The following PIK3CD variants were observed in gnomAD, a reference collection of about 807,000 sequenced individuals.
The protein encoded by PIK3CD is phosphatidylinositol 4,5-bisphosphate 3-kinase catalytic subunit delta isoform.
A neutral mutation model predicts 122.9 loss-of-function variants in PIK3CD; 20 were observed. The ratio of observed to expected loss-of-function variants is 0.16; its 90% confidence interval spans 0.11 to 0.24. The LOEUF is 0.24. Ranked by LOEUF, PIK3CD falls within the 10% of genes least tolerant of loss-of-function variation. The pLI, the probability that PIK3CD is intolerant of heterozygous loss-of-function variation, is 1.00. For synonymous variants in PIK3CD, 596 were observed against 593.4 expected, an observed-to-expected ratio of 1.00 and a Z score of -0.06; for missense variants, 787 against 1,406.3, an observed-to-expected ratio of 0.56 and a Z score of 7.04.
rs1163030937 is a variant in PIK3CD, at chr1:9,701,668, CAAA to C, written c.-32-8737_-32-8735del. 1.5e-3 allele frequency among the ~76,000 whole-genome samples: 121 copies of C among 78,954 alleles called. 2 individuals carry two copies. The highest frequency in any genetic ancestry group is 4.9e-3 in the African/African-American group (107 of 21,902). 51.8% of individuals were successfully genotyped at this position (78,954 alleles called of 152,430 possible). A position where few individuals can be genotyped will look rare whatever the true frequency, so the allele number is the denominator to read the frequency against. On this transcript the variant is annotated intron_variant, in intron 2 of 23. Coordinates refer to ENST00000377346, the MANE Select transcript of PIK3CD (RefSeq NM_005026.5). Reference sequence around the variant, plus strand: ...TGGGCGACAGAGCAAGACTCTGTCTCAAAAAAAAAAAAAAAAAAAAATCCAATA... The same window carrying C: ...TGGGCGACAGAGCAAGACTCTGTCTCAAAAAAAAAAAAAAAAAATCCAATA...
At position 9,727,056 on chromosome 1, in the gene PIK3CD, C is replaced by T; in HGVS notation, c.*10C>T. ...AGACAACAGGCAGTAGTGGCTCCTCCCAGCCCTGGGCCCAAGAGGAGGCGG... is the reference window on the plus strand; with the variant it reads ...AGACAACAGGCAGTAGTGGCTCCTCTCAGCCCTGGGCCCAAGAGGAGGCGG... On this transcript the variant is annotated 3_prime_UTR_variant, in exon 24 of 24. Coordinates refer to ENST00000377346, the MANE Select transcript of PIK3CD (RefSeq NM_005026.5). 3 of 1,614,026 alleles carry T rather than the reference C, an allele frequency of 1.9e-6. No individual in the cohort carries two copies. Among genetic ancestry groups the T allele is most frequent in the Admixed American group, 1.7e-5 (1 of 60,002 alleles).
At chr1:9,655,338 A>G (rs183159321) in intron 1 of PIK3CD, among the ~76,000 whole-genome samples, 16 of 152,186 alleles carry the variant, frequency 1.1e-4, no homozygotes, top group Admixed American at 3.9e-4. Context: ...CCTACAGTTA[A>G]CGCTAAGACT....
chr1:9,641,219 T>C, the PIK3CD span, among the ~76,000 whole-genome samples: 39 of 152,318 alleles, frequency 2.6e-4, no homozygotes, highest in South Asian at 2.9e-3. Flanking sequence ...TGCTGCAAGA[T>C]ACACACTTGC....
chr1:9,662,141 G>A (rs1483260207), intron 1 of PIK3CD, among the ~76,000 whole-genome samples: 1 of 152,162 alleles, frequency 6.6e-6, no homozygotes, highest in African/African-American at 2.4e-5. Flanking sequence ...CTCCAACCTG[G>A]GCGACAGAGC....
chr1:9,687,519 T>C (rs536488473), intron 1 of PIK3CD: 2 of 150,610 alleles, frequency 1.3e-5, no homozygotes, highest in African/African-American at 4.9e-5. Flanking sequence ...TGCCCTCGGA[T>C]GTCTGCTGCA....
chr1:9,635,117 C>T, the PIK3CD span, among the ~76,000 whole-genome samples: 1 of 151,910 alleles, frequency 6.6e-6, no homozygotes, highest in Non-Finnish European at 1.5e-5. Context: ...CATAGTGAAA[C>T]CCCCTCTCTT....
chr1:9,671,591 T>C (rs1290825210), intron 1 of PIK3CD, among the ~76,000 whole-genome samples: 1 of 152,154 alleles, frequency 6.6e-6, no homozygotes, highest in African/African-American at 2.4e-5. Context: ...GATCTTCCCA[T>C]GAATGACTCA....
intron 1 of PIK3CD, among the ~76,000 whole-genome samples, chr1:9,661,286 G>C (rs1645002019): frequency 6.6e-6 from 1 of 152,020 alleles, no homozygotes; most frequent in Admixed American, 6.6e-5. Flanking sequence ...CATCATGTTG[G>C]CCAGGCTGGT....
chr1:9,708,503 C>G (rs760673379), intron 2 of PIK3CD, among the ~76,000 whole-genome samples: 30 of 152,016 alleles, frequency 2.0e-4, no homozygotes, highest in Non-Finnish European at 4.1e-4. Context: ...AAAGCACGCA[C>G]TAGTACCAGG....
At chr1:9,702,816 C>T (rs112769522) in intron 2 of PIK3CD, among the ~76,000 whole-genome samples, 1,981 of 152,130 alleles carry the variant, frequency 0.013, 40 homozygotes, top group Middle Eastern at 0.055. Flanking sequence ...CCACCGTGCC[C>T]GGTCAGGGAA....
chr1:9,685,210 G>A (rs1308302245), intron 1 of PIK3CD, among the ~76,000 whole-genome samples: 1 of 152,104 alleles, frequency 6.6e-6, no homozygotes, highest in African/African-American at 2.4e-5. Context: ...GGTGGAATAT[G>A]TGAGTAAATA....
At chr1:9,629,522 C>A in the PIK3CD span, among the ~76,000 whole-genome samples, 1 of 120,420 alleles carries the variant, frequency 8.3e-6, no homozygotes, top group Non-Finnish European at 1.6e-5. Flanking sequence ...AAATAGAAAT[C>A]AAAGCCTGAG....
chr1:9,714,885 G>A (rs1180224827), intron 3 of PIK3CD, among the ~76,000 whole-genome samples: 2 of 152,010 alleles, frequency 1.3e-5, no homozygotes, highest in African/African-American at 4.8e-5. Context: ...TTAAAAATCA[G>A]GGTTGCCAGG....
At chr1:9,670,882 C>T (rs1304549305) in intron 1 of PIK3CD, among the ~76,000 whole-genome samples, 1 of 151,750 alleles carries the variant, frequency 6.6e-6, no homozygotes, top group Non-Finnish European at 1.5e-5. Context: ...CTCAGCCTCC[C>T]GAGTAGCTGG....
At chr1:9,693,513 G>A (rs529600816) in intron 2 of PIK3CD, among the ~76,000 whole-genome samples, 27 of 152,084 alleles carry the variant, frequency 1.8e-4, no homozygotes, top group East Asian at 1.2e-3. Context: ...GATTACAGGC[G>A]TCAGCCTCCA....
At position 9,715,798 on chromosome 1, in the gene PIK3CD, G is replaced by A. The variant is rs371516767; in HGVS notation, c.370+29G>A. 1.9e-4 allele frequency: 306 copies of A among 1,612,112 alleles called. 1 individual carries two copies. In the African/African-American group the frequency reaches 3.3e-3, roughly 17 times the overall value. Reference sequence around the variant, plus strand: ...GCTCTGCCGAGTGGGCCGTGTGGCCGGGCTGGCCCTGCCTGCCCCACCCGC... The same window carrying A: ...GCTCTGCCGAGTGGGCCGTGTGGCCAGGCTGGCCCTGCCTGCCCCACCCGC... On this transcript the variant is annotated intron_variant, in intron 4 of 23. Transcript: ENST00000377346. This position sits in a 1 kb window ranked among gnomAD's most constrained non-coding sequence, Gnocchi z 4.1.
At chr1:9,679,506 C>A (rs540005907) in intron 1 of PIK3CD, among the ~76,000 whole-genome samples, 3 of 151,838 alleles carry the variant, frequency 2.0e-5, no homozygotes, top group South Asian at 4.1e-4. Context: ...GAGCGCCCCA[C>A]ACCCACATCG....
chr1:9,700,282 G>A lies in PIK3CD; in HGVS notation c.-33+8711G>A, dbSNP rs1285416084. 2.0e-5 allele frequency among the ~76,000 whole-genome samples: 3 copies of A among 151,988 alleles called. No individual in the cohort carries two copies. Among genetic ancestry groups the A allele is most frequent in the African/African-American group, 7.2e-5 (3 of 41,390 alleles). On this transcript the variant is annotated intron_variant, in intron 2 of 23. Coordinates refer to ENST00000377346, the MANE Select transcript of PIK3CD (RefSeq NM_005026.5). This position sits in a 1 kb window ranked among gnomAD's most constrained non-coding sequence, Gnocchi z 5.1. ...ATAGCTGAGGTCAGATCCCTCAGACGTTCACAGCTGGGACGCCGTTCTTCC... is the reference window on the plus strand; with the variant it reads ...ATAGCTGAGGTCAGATCCCTCAGACATTCACAGCTGGGACGCCGTTCTTCC...
chr1:9,682,540 G>A (rs755376639), intron 1 of PIK3CD, among the ~76,000 whole-genome samples: 1 of 148,072 alleles, frequency 6.8e-6, no homozygotes, highest in Non-Finnish European at 1.5e-5. Flanking sequence ...GTCTGGCCTG[G>A]GTATTTATTT....
Sources: allele counts gnomAD v4.1 joint callset (sites outside exome capture counted in the v4.1 genomes callset), GRCh38; gene constraint gnomAD v4.1.1; non-coding constraint Gnocchi (gnomAD v3.1); transcripts MANE v1.5; gene names NCBI Gene and HGNC (gene_info 2026-07-23, HGNC 2026-07-21).